Variants in LRGUK observed in about 807,000 individuals in gnomAD.
LRGUK encodes leucine rich repeats and guanylate kinase domain containing.
LRGUK carries 65 observed loss-of-function variants against 76.0 expected under a neutral mutation model. That is an observed-to-expected ratio of 0.85 (90% CI 0.70 to 1.05). LRGUK has a LOEUF of 1.05. Ranked by LOEUF, LRGUK falls within the 50% of genes least tolerant of loss-of-function variation. The pLI is 0.00. For missense variants in LRGUK, 758 were observed against 732.8 expected (o/e 1.03, Z -0.40); for synonymous variants, 268 against 265.6 (o/e 1.01, Z -0.09).
chr7:134,143,643 G>A (rs2116849066), intron 4 of LRGUK, among the ~76,000 whole-genome samples: 1 of 152,196 alleles, frequency 6.6e-6, no homozygotes, highest in East Asian at 1.9e-4. Flanking sequence ...CTCAAACTTT[G>A]CCCTTTTATT....
chr7:134,211,484 C>T (rs999260571), downstream of LRGUK, among the ~76,000 whole-genome samples: 3 of 152,228 alleles, frequency 2.0e-5, no homozygotes, highest in African/African-American at 7.2e-5. Flanking sequence ...GGTTCCAAAC[C>T]TACAGTTAAC....
At chr7:134,187,357 G>A (rs1800019520) in intron 11 of LRGUK, among the ~76,000 whole-genome samples, 1 of 152,074 alleles carries the variant, frequency 6.6e-6, no homozygotes, top group East Asian at 1.9e-4. Flanking sequence ...ATTTACAAAG[G>A]CACTTGCTCC....
rs188634391 is a variant in LRGUK, at chr7:134,258,603, G to C, written c.2347+198G>C. 7.5e-3 allele frequency among the ~76,000 whole-genome samples: 1,139 copies of C among 151,932 alleles called. 34 individuals are homozygous for C. The highest frequency in any genetic ancestry group is 5.5e-3 in the Non-Finnish European group (377 of 67,988). ...AGTCCCAGCTACTCGGGAGGCTGAG[G>C]CAAGAGAATTGCTTGAACCCAGGAG... is the stretch of plus-strand genomic sequence containing the variant. On this transcript the variant is annotated intron_variant, in intron 19 of 19. Transcript: ENST00000285928.
intron 15 of LRGUK, among the ~76,000 whole-genome samples, chr7:134,205,259 C>G (rs565183763): frequency 1.4e-3 from 215 of 152,244 alleles, no homozygotes; most frequent in African/African-American, 5.1e-3. Flanking sequence ...TTTTACAAAC[C>G]TCTTGTAAGA....
At chr7:134,177,350 T>C (rs567008148) in intron 9 of LRGUK, among the ~76,000 whole-genome samples, 1 of 152,302 alleles carries the variant, frequency 6.6e-6, no homozygotes, top group Non-Finnish European at 1.5e-5. Flanking sequence ...GGTCGCAGCT[T>C]TATGGCAGAC....
intron 4 of LRGUK, 122 bp downstream of exon 4, chr7:134,143,284 G>A (rs1295439074): frequency 3.1e-6 from 2 of 638,806 alleles, no homozygotes; most frequent in East Asian, 2.6e-5. Flanking sequence ...CAATGTAAGT[G>A]TCTGAAATGA....
At chr7:134,263,970 A>G (rs766877890) in exon 20 of LRGUK, 2 of 1,608,990 alleles carry the variant, frequency 1.2e-6, no homozygotes, top group East Asian at 2.2e-5. Flanking sequence ...TCAGGGCCGC[A>G]GGTAGACTAG....
chr7:134,156,854 G>T (rs549380091), intron 5 of LRGUK, among the ~76,000 whole-genome samples: 68 of 152,270 alleles, frequency 4.5e-4, no homozygotes, highest in Non-Finnish European at 8.5e-4. Flanking sequence ...GAATAAAAAG[G>T]AAAGAAATCA....
intron 6 of LRGUK, among the ~76,000 whole-genome samples, 183 bp downstream of exon 6, chr7:134,158,342 G>A (rs552652017): frequency 5.3e-4 from 81 of 152,240 alleles, no homozygotes; most frequent in African/African-American, 1.6e-3. Flanking sequence ...GTGAGAGAGA[G>A]AGAGAAAGAA....
At chr7:134,209,755 C>T (rs1298971438) in exon 16 of LRGUK, 3 of 399,836 alleles carry the variant, frequency 7.5e-6, no homozygotes, top group Non-Finnish European at 1.3e-5. Context: ...CAAATCTGAG[C>T]CCCCAGGCAG....
intron 16 of LRGUK, among the ~76,000 whole-genome samples, chr7:134,242,044 A>T (rs1802170404): frequency 6.6e-6 from 1 of 152,242 alleles, no homozygotes; most frequent in Non-Finnish European, 1.5e-5. Flanking sequence ...TCTGGGACAC[A>T]TTCAAAGCAG....
intron 16 of LRGUK, among the ~76,000 whole-genome samples, chr7:134,246,299 C>T (rs1256525017): frequency 6.6e-6 from 1 of 152,150 alleles, no homozygotes; most frequent in Middle Eastern, 3.2e-3. Context: ...GTGCTGTGTG[C>T]AGGGGATACA....
In LRGUK at chr7:134,127,379, CGAGAG is replaced by C; in HGVS notation, c.14_18del (p.Glu5GlyfsTer49). Reference sequence around the variant, plus strand: ...CCCCGCTAAACAAGATGGCGACCTCCGAGAGGGCTCTCCTGAGGACCAGAGCTGCC... The same window carrying C: ...CCCCGCTAAACAAGATGGCGACCTCCGGCTCTCCTGAGGACCAGAGCTGCC... On this transcript the variant is annotated frameshift_variant, in exon 1 of 16. Coordinates refer to ENST00000645682, the Ensembl canonical transcript of LRGUK. LOFTEE classifies it high-confidence loss of function. 6.2e-7 allele frequency: 1 copy of C among 1,604,358 alleles called. No homozygotes were observed. Among genetic ancestry groups the C allele is most frequent in the South Asian group, 1.1e-5 (1 of 90,818 alleles).
At chr7:134,201,966 G>A (rs528156392) in intron 15 of LRGUK, among the ~76,000 whole-genome samples, 34 of 152,026 alleles carry the variant, frequency 2.2e-4, no homozygotes, top group Non-Finnish European at 4.1e-4. Flanking sequence ...TTTTCTTTGC[G>A]TTACCCGAGT....
the LRGUK span, among the ~76,000 whole-genome samples, chr7:134,270,882 T>A: frequency 1.3e-5 from 2 of 152,104 alleles, no homozygotes; most frequent in Non-Finnish European, 1.5e-5. Context: ...ATACAAATAT[T>A]TAACTATCAG....
intron 18 of LRGUK, among the ~76,000 whole-genome samples, chr7:134,254,410 C>G (rs1034212514): frequency 4.6e-5 from 7 of 152,186 alleles, no homozygotes; most frequent in Non-Finnish European, 8.8e-5. Flanking sequence ...ATAGACAACA[C>G]ACATTTATTT....
chr7:134,160,042 A>G (rs546839608), intron 6 of LRGUK, among the ~76,000 whole-genome samples: 6 of 152,330 alleles, frequency 3.9e-5, no homozygotes, highest in African/African-American at 1.2e-4. Context: ...AATCTGAAGG[A>G]TTTTTAGCAG....
chr7:134,156,633 G>A (rs915911840), intron 5 of LRGUK, among the ~76,000 whole-genome samples: 5 of 152,224 alleles, frequency 3.3e-5, no homozygotes, highest in East Asian at 3.9e-4. Flanking sequence ...GGATGAAACT[G>A]GATAAATAAG....
At chr7:134,240,664 C>T (rs903814477) in intron 16 of LRGUK, among the ~76,000 whole-genome samples, 18 of 152,228 alleles carry the variant, frequency 1.2e-4, no homozygotes, top group African/African-American at 3.4e-4. Context: ...CCCAACCTAG[C>T]GAGGCAGGCC....
Sources: allele counts gnomAD v4.1 joint callset (sites outside exome capture counted in the v4.1 genomes callset), GRCh38; gene constraint gnomAD v4.1.1; transcripts MANE v1.5; gene names NCBI Gene and HGNC (gene_info 2026-07-23, HGNC 2026-07-21).